Variants in CALM3 observed in about 807,000 individuals in gnomAD.
CALM3 encodes the protein calmodulin 3.
A neutral mutation model predicts 20.1 loss-of-function variants in CALM3; 5 were observed. The observed-to-expected ratio is 0.25, with a 90% CI of 0.13 to 0.52. The LOEUF (loss-of-function observed/expected upper bound fraction) is 0.52. CALM3 is among the 20% of genes least tolerant of loss of function. CALM3 has a pLI of 0.96. For missense variants in CALM3, 57 were observed against 192.8 expected, an observed-to-expected ratio of 0.30 and a Z score of 4.17; for synonymous variants, 69 against 68.1, an observed-to-expected ratio of 1.01 and a Z score of -0.06.
intron 1 of CALM3, among the ~76,000 whole-genome samples, chr19:46,603,992 G>A (rs1428660193): frequency 6.6e-6 from 1 of 152,186 alleles, no homozygotes; most frequent in Non-Finnish European, 1.5e-5. Flanking sequence ...CCAAAGGTCC[G>A]GGGAGCTGGA....
chr19:46,601,321 GCT>G, upstream of CALM3: 1 of 979,104 alleles, frequency 1.0e-6, no homozygotes. The surrounding 1 kb of genome is among the most constrained non-coding windows in gnomAD (Gnocchi z 4.2). Flanking sequence ...GGCGGCGCGC[GCT>G]GCGGGCAGTG....
At chr19:46,602,494 C>T (rs891592551) in intron 1 of CALM3, 1 of 310,562 alleles carries the variant, frequency 3.2e-6, no homozygotes, top group South Asian at 2.5e-5. Flanking sequence ...TGGGTAGCAC[C>T]CTGCCAGTCT....
Position 46,601,417 on chromosome 19 carries a change from G to C in CALM3, c.-18G>C. On this transcript the variant is annotated 5_prime_UTR_variant, in exon 1 of 6. Transcript: ENST00000291295. The surrounding 1 kb of genome is among the most constrained non-coding windows in gnomAD (Gnocchi z 4.2). ...GAGGAACCTTGATCCCCGTGCTCCG[G>C]ACACCCCGGGCCTCGCCATGGTGAG... The C allele has an allele frequency of 1.3e-6, 2 of 1,506,448 alleles. No homozygotes were observed. Among genetic ancestry groups the C allele is most frequent in the Non-Finnish European group, 1.8e-6 (2 of 1,129,716 alleles). 93.3% of individuals were successfully genotyped at this position (1,506,448 alleles called of 1,614,324 possible). A position where few individuals can be genotyped will look rare whatever the true frequency, so the allele number is the denominator to read the frequency against.
Position 46,605,001 on chromosome 19 carries a change from G to A in CALM3, c.4-826G>A, listed in dbSNP as rs1392046557. 6.6e-6 allele frequency among the ~76,000 whole-genome samples: 1 copy of A among 151,224 alleles called. No homozygotes were observed. The highest frequency in any genetic ancestry group is 1.5e-5 in the Non-Finnish European group (1 of 67,936). On this transcript the variant is annotated intron_variant, in intron 1 of 5. Coordinates refer to ENST00000291295, the MANE Select transcript of CALM3 (RefSeq NM_005184.4). This position sits in a 1 kb window ranked among gnomAD's most constrained non-coding sequence, Gnocchi z 4.1. ...TCCCCACCCCCAAACCCCGCATGCA[G>A]CAAGGGCTGCCTGCCACCCACTGGC...
In CALM3 at chr19:46,608,447, C is replaced by T. The variant is rs544400553; in HGVS notation, c.179-35C>T. The T allele has an allele frequency of 6.0e-5, 96 of 1,609,916 alleles. No homozygotes were observed. In the Admixed American group the frequency reaches 6.5e-4, roughly 11 times the overall value. On this transcript the variant is annotated intron_variant, in intron 3 of 5. Coordinates refer to ENST00000291295, the MANE Select transcript of CALM3 (RefSeq NM_005184.4). This position sits in a 1 kb window ranked among gnomAD's most constrained non-coding sequence, Gnocchi z 5.5. ...GAGCCCGTGTCTCTCAGGGCCCAGG[C>T]CAAGAGCATTCTCCATCCTTTCCCC...
At chr19:46,606,885 C>T (rs1971754296) in intron 2 of CALM3, among the ~76,000 whole-genome samples, 2 of 152,122 alleles carry the variant, frequency 1.3e-5, no homozygotes, top group African/African-American at 2.4e-5. Context: ...CCTCTGCTCC[C>T]CACCAGCTAC....
At position 46,601,520 on chromosome 19, in the gene CALM3, C is replaced by T; in HGVS notation, c.3+83C>T. On this transcript the variant is annotated intron_variant, in intron 1 of 5. Coordinates refer to ENST00000291295, the MANE Select transcript of CALM3 (RefSeq NM_005184.4). The surrounding 1 kb of genome is among the most constrained non-coding windows in gnomAD (Gnocchi z 4.2). Reference sequence around the variant, plus strand: ...AGGACCCCTGAGGGGGCGACAGAGCCCAGAGTGGGGGGCGTCCGGGCCCGG... The same window carrying T: ...AGGACCCCTGAGGGGGCGACAGAGCTCAGAGTGGGGGGCGTCCGGGCCCGG... 7.9e-7 allele frequency: 1 copy of T among 1,269,782 alleles called. No homozygotes were observed. Among genetic ancestry groups the T allele is most frequent in the Non-Finnish European group, 1.0e-6 (1 of 984,512 alleles). The allele number at this position is 1,269,782 out of a possible 1,614,324, so 78.7% of individuals were successfully genotyped here. A position where few individuals can be genotyped will look rare whatever the true frequency, so the allele number is the denominator to read the frequency against.
At chr19:46,604,516 A>G (rs1230224272) in intron 1 of CALM3, among the ~76,000 whole-genome samples, 1 of 130,800 alleles carries the variant, frequency 7.6e-6, no homozygotes, top group East Asian at 2.2e-4. Flanking sequence ...CATTCTGCCT[A>G]TTTGGGGCTT....
Position 46,609,519 on chromosome 19 carries a change from T to G in CALM3, c.*366T>G. 1 of 298,698 alleles carries G rather than the reference T, an allele frequency of 3.3e-6. No individual in the cohort carries two copies. Among genetic ancestry groups the G allele is most frequent in the East Asian group, 7.9e-5 (1 of 12,654 alleles). 18.5% of individuals were successfully genotyped at this position (298,698 alleles called of 1,614,324 possible). ...TGTTTCCTCTTGTTTGTCATCTTAT[T>G]TTGGGTGCTGGGGTGGCTGCCAGCC... On this transcript the variant is annotated 3_prime_UTR_variant, in exon 6 of 6. Coordinates refer to ENST00000291295, the MANE Select transcript of CALM3 (RefSeq NM_005184.4).
In CALM3 at chr19:46,605,677, T is replaced by G; in HGVS notation, c.4-150T>G. The G allele has an allele frequency of 1.4e-6, 1 of 700,296 alleles. No individual in the cohort carries two copies. Among genetic ancestry groups the G allele is most frequent in the South Asian group, 1.7e-5 (1 of 59,848 alleles). The allele number at this position is 700,296 out of a possible 1,614,324, so 43.4% of individuals were successfully genotyped here. On this transcript the variant is annotated intron_variant, in intron 1 of 5. Transcript: ENST00000291295. This position sits in a 1 kb window ranked among gnomAD's most constrained non-coding sequence, Gnocchi z 4.1. ...TTTATCATCAGGCGCTGGCTCTGCC[T>G]CAGACCCTGACTCTGGCATGCTCCT...
Position 46,605,764 on chromosome 19 carries a change from G to C in CALM3, c.4-63G>C, listed in dbSNP as rs1033021816. 10 of 1,568,338 alleles carry C rather than the reference G, an allele frequency of 6.4e-6. No individual in the cohort carries two copies. Among genetic ancestry groups the C allele is most frequent in the Admixed American group, 1.7e-5 (1 of 59,902 alleles). ...CACTGGGGCCGAGGGTCTGGGCTGA[G>C]TGAGGAAGATGCGTCCGTGCTGTCC... is the stretch of plus-strand genomic sequence containing the variant. On this transcript the variant is annotated intron_variant, in intron 1 of 5. Transcript: ENST00000291295. This position sits in a 1 kb window ranked among gnomAD's most constrained non-coding sequence, Gnocchi z 4.1.
Position 46,610,027 on chromosome 19 carries a change from T to C in CALM3, c.*874T>C, listed in dbSNP as rs1599761088. ...GGATGTGGGGATGGTCGCTTTGTAA[T>C]GTGCTGGTTCTCTTTTTTTTTCTTT... On this transcript the variant is annotated 3_prime_UTR_variant, in exon 6 of 6. Coordinates refer to ENST00000291295, the MANE Select transcript of CALM3 (RefSeq NM_005184.4). 6.5e-6 allele frequency: 1 copy of C among 152,754 alleles called. No homozygotes were observed. Among genetic ancestry groups the C allele is most frequent in the African/African-American group, 2.4e-5 (1 of 41,446 alleles). 9.5% of individuals were successfully genotyped at this position (152,754 alleles called of 1,614,324 possible). A position where few individuals can be genotyped will look rare whatever the true frequency, so the allele number is the denominator to read the frequency against.
intron 1 of CALM3, chr19:46,602,218 T>C (rs1293903899): frequency 1.5e-6 from 2 of 1,351,978 alleles, no homozygotes; most frequent in Admixed American, 2.0e-5. Flanking sequence ...ATGGTGAGAG[T>C]GGGGCTCGCC....
At position 46,608,180 on chromosome 19, in the gene CALM3, C is replaced by T. The variant is rs1971784297; in HGVS notation, c.35-17C>T. ...GTGGACCTTGTGACCTCTGACTCCT[C>T]CCCCTTCTTCCCCCAGAGTTCAAGG... is the stretch of plus-strand genomic sequence containing the variant. On this transcript the variant is annotated splice_polypyrimidine_tract_variant and intron_variant, in intron 2 of 5. Coordinates refer to ENST00000291295, the MANE Select transcript of CALM3 (RefSeq NM_005184.4). The surrounding 1 kb of genome is among the most constrained non-coding windows in gnomAD (Gnocchi z 5.5). 1 of 1,611,040 alleles carries T rather than the reference C, an allele frequency of 6.2e-7. No homozygotes were observed. The highest frequency in any genetic ancestry group is 2.2e-5 in the East Asian group (1 of 44,880).
At position 46,608,435 on chromosome 19, in the gene CALM3, T is replaced by A. The variant is rs749423113; in HGVS notation, c.179-47T>A. On this transcript the variant is annotated intron_variant, in intron 3 of 5. Coordinates refer to ENST00000291295, the MANE Select transcript of CALM3 (RefSeq NM_005184.4). This position sits in a 1 kb window ranked among gnomAD's most constrained non-coding sequence, Gnocchi z 5.5. ...AGGGTGATGGATGAGCCCGTGTCTCTCAGGGCCCAGGCCAAGAGCATTCTC... is the reference window on the plus strand; with the variant it reads ...AGGGTGATGGATGAGCCCGTGTCTCACAGGGCCCAGGCCAAGAGCATTCTC... The A allele has an allele frequency of 6.8e-6, 11 of 1,608,284 alleles. No individual in the cohort carries two copies. The Admixed American group carries it at 1.7e-4, about 24-fold the overall frequency.
intron 2 of CALM3, chr19:46,606,268 C>G (rs1190167165): frequency 1.5e-5 from 3 of 197,534 alleles, no homozygotes; most frequent in African/African-American, 7.1e-5. Flanking sequence ...GTCACTCCCA[C>G]CTCTGCGCTT....
chr19:46,602,687 A>T (rs1374867152), intron 1 of CALM3: 1 of 159,232 alleles, frequency 6.3e-6, no homozygotes, highest in Admixed American at 5.9e-5. Flanking sequence ...GCCTCATGAA[A>T]TGGGGATGGG....
At chr19:46,602,468 G>A (rs1971647630) in intron 1 of CALM3, 1 of 231,892 alleles carries the variant, frequency 4.3e-6, no homozygotes, top group Admixed American at 5.0e-5. Context: ...GGGGGGCCTA[G>A]GTTTGGGGGT....
At chr19:46,604,784 C>A (rs1190139781) in intron 1 of CALM3, among the ~76,000 whole-genome samples, 1 of 152,070 alleles carries the variant, frequency 6.6e-6, no homozygotes, top group Non-Finnish European at 1.5e-5. Flanking sequence ...ACAGACCCAC[C>A]ATGGTCCCGG....
Sources: gnomAD v4.1 joint callset for allele counts (sites outside exome capture counted in the v4.1 genomes callset) on GRCh38, gnomAD v4.1.1 for gene constraint, Gnocchi (gnomAD v3.1) non-coding constraint, MANE v1.5 for transcripts, NCBI Gene and HGNC (gene_info 2026-07-23, HGNC 2026-07-21) for gene names.